Variants in POLE observed in about 807,000 individuals in gnomAD.
The protein encoded by POLE is DNA polymerase epsilon, catalytic subunit, also known as DNA polymerase epsilon catalytic subunit A.
In POLE, 188 loss-of-function variants were observed where a neutral mutation model predicts 279.2. That is an observed-to-expected ratio of 0.67 (90% CI 0.60 to 0.76). The LOEUF (loss-of-function observed/expected upper bound fraction) is 0.76, where lower values mean the gene tolerates loss of function less well. Ranked by LOEUF, POLE falls within the 30% of genes least tolerant of loss-of-function variation. The pLI is 0.00. For synonymous variants in POLE, 1,214 were observed against 1,172.5 expected, an observed-to-expected ratio of 1.04 and a Z score of -0.72; for missense variants, 2,703 against 3,016.7, an observed-to-expected ratio of 0.90 and a Z score of 2.44.
Position 132,668,829 on chromosome 12 carries a change from G to T in POLE, c.1905C>A (p.Ile635=), listed in dbSNP as rs145203544. 13 of 1,614,190 alleles carry T rather than the reference G, an allele frequency of 8.1e-6. No individual in the cohort carries two copies. The South Asian group carries it at 1.3e-4, about 16-fold the overall frequency. ...GTCTCACCTGCAGGCGGTTGGTCAGGATGATGTTGGGGTACATGGCCCCCA... is the reference window on the plus strand; with the variant it reads ...GTCTCACCTGCAGGCGGTTGGTCAGTATGATGTTGGGGTACATGGCCCCCA... The part of the protein sequence containing the change: ...LDVGAMYPNI[I]LTNRLQPSAM... Residue 635 remains isoleucine (I), a synonymous_variant, in exon 17 of 49, where the codon ATC becomes ATA. Transcript: ENST00000320574. This position sits in a 1 kb window ranked among gnomAD's most constrained non-coding sequence, Gnocchi z 4.0.
Position 132,626,231 on chromosome 12 carries a change from G to A in POLE, c.6417C>T (p.Ser2139=), listed in dbSNP as rs766935890. Residue 2139 remains serine (S), a synonymous_variant, in exon 46 of 49, where the codon TCC becomes TCT. Transcript: ENST00000320574. ...LLRLVDVGEF[S]EEAQFRDPCR... The stretch of plus-strand genomic sequence containing the variant: ...AGGGGTCTCGGAACTGGGCCTCCTC[G>A]GAGAACTCGCCGACATCCACCAGGC... 25 of 1,613,714 alleles carry A rather than the reference G, an allele frequency of 1.5e-5. No homozygotes were observed. The highest frequency in any genetic ancestry group is 1.6e-4 in the Middle Eastern group (1 of 6,080).
chr12:132,673,086 C>T (rs2042967320), intron 14 of POLE, 78 bp downstream of exon 14: 2 of 977,404 alleles, frequency 2.0e-6, no homozygotes, highest in Non-Finnish European at 3.3e-6. Flanking sequence ...GGACATCCAC[C>T]TCCATTCAGC....
Position 132,634,076 on chromosome 12 carries a change from C to A in POLE, c.6004+110G>T, listed in dbSNP as rs1460570826. 2 of 1,027,636 alleles carry A rather than the reference C, an allele frequency of 1.9e-6. No individual in the cohort carries two copies. Among genetic ancestry groups the A allele is most frequent in the Non-Finnish European group, 2.9e-6 (2 of 691,442 alleles). 63.7% of individuals were successfully genotyped at this position (1,027,636 alleles called of 1,614,324 possible). A position where few individuals can be genotyped will look rare whatever the true frequency, so the allele number is the denominator to read the frequency against. On this transcript the variant is annotated intron_variant, in intron 43 of 48. Transcript: ENST00000320574. This position sits in a 1 kb window ranked among gnomAD's most constrained non-coding sequence, Gnocchi z 4.0. ...TCCCAACTGCTGGGCAGGCTCCGCCCGATCTGATTTTCCCTGTCTCCCTTC... is the reference window on the plus strand; with the variant it reads ...TCCCAACTGCTGGGCAGGCTCCGCCAGATCTGATTTTCCCTGTCTCCCTTC...
chr12:132,634,279 T>C lies in POLE; in HGVS notation c.5911A>G (p.Asn1971Asp). The C allele has an allele frequency of 6.2e-7, 1 of 1,614,220 alleles. No individual in the cohort carries two copies. Among genetic ancestry groups the C allele is most frequent in the South Asian group, 1.1e-5 (1 of 91,088 alleles). The change falls in exon 43 of 49, where the codon AAC (asparagine) becomes GAC (aspartate). Residue 1971 changes from asparagine to aspartate, a missense_variant. By Grantham distance (23) the Asn-to-Asp change is conservative (BLOSUM62 1). Transcript: ENST00000320574. This position sits in a 1 kb window ranked among gnomAD's most constrained non-coding sequence, Gnocchi z 4.0. ...TTGTTTTCCAGTAAATCCTCCACGT[T>C]GGATTCCTCCGCCTCTTCCTCCTCC... ...GEEEEEAEESNVEDLLENNWN... is the reference protein window; with the variant it reads ...GEEEEEAEESDVEDLLENNWN...
At chr12:132,687,058 G>A (rs1251579725) in intron 1 of POLE, among the ~76,000 whole-genome samples, 196 bp downstream of exon 1, 1 of 151,406 alleles carries the variant, frequency 6.6e-6, no homozygotes, top group Non-Finnish European at 1.5e-5. Flanking sequence ...CAAAGAAGCC[G>A]CGCCCGTAGC....
Position 132,672,770 on chromosome 12 carries a change from T to C in POLE, c.1543A>G (p.Ile515Val), listed in dbSNP as rs1060500815. The C allele has an allele frequency of 1.9e-6, 3 of 1,614,152 alleles. No homozygotes were observed. Among genetic ancestry groups the C allele is most frequent in the East Asian group, 2.2e-5 (1 of 44,884 alleles). Residue 515 changes from isoleucine to valine, a missense_variant, in exon 15 of 49, where the codon ATC becomes GTC. Around this residue, in one of 5 missense-constraint regions of POLE, gnomAD observed 1,011 missense variants for 1,111.7 expected, o/e 0.91. Coordinates refer to ENST00000320574, the MANE Select transcript of POLE (RefSeq NM_006231.4). Reference protein sequence around the residue: ...LMVQAFHANIIFPNKQEQEFN... With the variant: ...LMVQAFHANIVFPNKQEQEFN... ...TCCTGCTCTTGCTTGTTGGGGAAGA[T>C]GATGTTGGCGTGGAAGGCCTGCACC...
chr12:132,685,893 A>T (rs2043249377), intron 1 of POLE, among the ~76,000 whole-genome samples: 2 of 148,302 alleles, frequency 1.3e-5, no homozygotes, highest in Admixed American at 6.7e-5. Context: ...TTTTTTTTTG[A>T]GACAGAGTTT....
intron 32 of POLE, among the ~76,000 whole-genome samples, chr12:132,644,194 G>A (rs1237920964): frequency 6.6e-6 from 1 of 152,142 alleles, no homozygotes; most frequent in Non-Finnish European, 1.5e-5. Flanking sequence ...CAGGGTCTTA[G>A]TCTGTTGCCC....
At chr12:132,679,440 C>G in intron 6 of POLE, 57 bp downstream of exon 6, 3 of 1,539,928 alleles carry the variant, frequency 1.9e-6, no homozygotes, top group Non-Finnish European at 2.7e-6. Flanking sequence ...GTTCCTGTCT[C>G]CTATCCATCT....
intron 43 of POLE, 122 bp from the exon 44 acceptor site, chr12:132,632,917 A>C: frequency 9.0e-7 from 1 of 1,106,422 alleles, no homozygotes; most frequent in Non-Finnish European, 1.3e-6. Flanking sequence ...ATTGTTAATA[A>C]TTTTATCTGC....
Position 132,661,522 on chromosome 12 carries a change from C to A in POLE, c.2864+5G>T. The A allele has an allele frequency of 6.2e-7, 1 of 1,613,870 alleles. No homozygotes were observed. The highest frequency in any genetic ancestry group is 8.5e-7 in the Non-Finnish European group (1 of 1,179,800). On this transcript the variant is annotated splice_donor_5th_base_variant and intron_variant, in intron 24 of 48. Coordinates refer to ENST00000320574, the MANE Select transcript of POLE (RefSeq NM_006231.4). The surrounding 1 kb of genome is among the most constrained non-coding windows in gnomAD (Gnocchi z 4.1). ...TCTAAAGCACAAAAGCTATGAGAGT[C>A]CCACCTCTTCTTCAATTTCTTGCCT...
Position 132,636,322 on chromosome 12 carries a change from G to A in POLE, c.5679-298C>T, listed in dbSNP as rs5744989. Among the ~76,000 whole-genome samples the A allele has an allele frequency of 8.9e-3, 1,356 of 151,744 alleles. 14 individuals are homozygous for A. The highest frequency in any genetic ancestry group is 0.031 in the African/African-American group (1,296 of 41,332). ...CGGCCTTAGGTGACCTGCACCTGCT[G>A]GTAACCAACCACAGTGCTTCCCACT... On this transcript the variant is annotated intron_variant, in intron 41 of 48. Coordinates refer to ENST00000320574, the MANE Select transcript of POLE (RefSeq NM_006231.4).
Position 132,639,001 on chromosome 12 carries a change from C to T in POLE, c.5552+124G>A, listed in dbSNP as rs2042087319. 4.7e-6 allele frequency: 4 copies of T among 843,068 alleles called. No individual in the cohort carries two copies. The highest frequency in any genetic ancestry group is 4.4e-5 in the Admixed American group (2 of 45,508). The allele number at this position is 843,068 out of a possible 1,614,324, so 52.2% of individuals were successfully genotyped here. A position where few individuals can be genotyped will look rare whatever the true frequency, so the allele number is the denominator to read the frequency against. The stretch of plus-strand genomic sequence containing the variant: ...CTGGGATCCTTTGGATTGTTATGCT[C>T]CACAAACTCAGAAATACACTACTTA... On this transcript the variant is annotated intron_variant, in intron 40 of 48. Coordinates refer to ENST00000320574, the MANE Select transcript of POLE (RefSeq NM_006231.4). This position sits in a 1 kb window ranked among gnomAD's most constrained non-coding sequence, Gnocchi z 4.7.
rs569662512 is a variant in POLE at position 132,665,156 on chromosome 12, C to T, written c.2468+146G>A. ...CCCCACTCTCTTCAACCTCCCAGCC[C>T]CACCCCAGCCCAAAGCCTTCTCCCT... On this transcript the variant is annotated intron_variant, in intron 21 of 48. Coordinates refer to ENST00000320574, the MANE Select transcript of POLE (RefSeq NM_006231.4). 9 of 887,652 alleles carry T rather than the reference C, an allele frequency of 1.0e-5. No homozygotes were observed. In the Admixed American group the frequency reaches 1.8e-4, roughly 18 times the overall value. The allele number at this position is 887,652 out of a possible 1,614,324, so 55.0% of individuals were successfully genotyped here. A position where few individuals can be genotyped will look rare whatever the true frequency, so the allele number is the denominator to read the frequency against.
At chr12:132,640,671 G>A (rs1424036074) in intron 39 of POLE, among the ~76,000 whole-genome samples, 1 of 152,254 alleles carries the variant, frequency 6.6e-6, no homozygotes, top group African/African-American at 2.4e-5. Context: ...GAACTTCAAT[G>A]GGGTCAAGAA....
chr12:132,674,825 C>T (rs986189032), intron 12 of POLE, among the ~76,000 whole-genome samples: 1 of 150,932 alleles, frequency 6.6e-6, no homozygotes, highest in Non-Finnish European at 1.5e-5. Context: ...CCTTCCTTCC[C>T]TCCCTCCCTT....
intron 43 of POLE, chr12:132,633,968 T>C (rs1420192062): frequency 6.2e-6 from 3 of 481,708 alleles, no homozygotes; most frequent in Non-Finnish European, 1.1e-5. Context: ...GAGCAAAGGC[T>C]GGAGGGAAGA....
intron 29 of POLE, chr12:132,650,299 G>A (rs574901343): frequency 2.1e-5 from 4 of 194,626 alleles, no homozygotes; most frequent in Non-Finnish European, 2.1e-5. Context: ...TGGGATGTTC[G>A]TTTACACAAG....
Position 132,642,901 on chromosome 12 carries a change from G to T in POLE, c.4647C>A (p.Pro1549=), listed in dbSNP as rs1004972253. The T allele has an allele frequency of 1.9e-6, 3 of 1,613,520 alleles. No homozygotes were observed. Among genetic ancestry groups the T allele is most frequent in the African/African-American group, 2.7e-5 (2 of 74,920 alleles). The change falls in exon 36 of 49, where the codon CCC becomes CCA. Residue 1549 remains proline (P), a synonymous_variant. Transcript: ENST00000320574. ...CTGCCCGAACTTCGAAGGTGTGTTT[G>T]GGGGGTGGCAGGAGCTCAGGGCCCA... The part of the protein sequence containing the change: ...EKVGPELLPP[P]KHTFEVRAET...
Sources: gnomAD v4.1 joint callset for allele counts (sites outside exome capture counted in the v4.1 genomes callset) on GRCh38, gnomAD v4.1.1 for gene constraint, gnomAD v4.1.1 regional missense constraint, Gnocchi (gnomAD v3.1) non-coding constraint, MANE v1.5 for transcripts, NCBI Gene and HGNC (gene_info 2026-07-23, HGNC 2026-07-21) for gene names.